Variants in CUL1 observed in about 807,000 individuals in gnomAD.
The protein encoded by CUL1 is cullin 1, also known as cullin-1.
CUL1 carries 24 observed loss-of-function variants against 118.0 expected under a neutral mutation model. That is an observed-to-expected ratio of 0.20 (90% CI 0.15 to 0.29). The LOEUF is 0.29. Ranked by LOEUF, CUL1 falls within the 10% of genes least tolerant of loss-of-function variation. The pLI, the probability that CUL1 is intolerant of heterozygous loss-of-function variation, is 1.00. For missense variants in CUL1, 361 were observed against 933.8 expected (o/e 0.39, Z 7.99); for synonymous variants, 332 against 340.4 (o/e 0.98, Z 0.27).
At position 148,786,988 on chromosome 7, in the gene CUL1, G is replaced by A; in HGVS notation, c.1348-1G>A. ...GTGTGTTGTCTCGGTGGCTTTGCCA[G>A]ATGGTTGTCTTCAAGTACATAGAAG... On this transcript the variant is annotated splice_acceptor_variant, in intron 12 of 21. Transcript: ENST00000325222. LOFTEE classifies it high-confidence loss of function. The A allele has an allele frequency of 6.5e-7, 1 of 1,532,942 alleles. No individual in the cohort carries two copies. The allele number at this position is 1,532,942 out of a possible 1,614,324, so 95.0% of individuals were successfully genotyped here.
At chr7:148,714,325 A>C (rs1798142854) in intron 1 of CUL1, among the ~76,000 whole-genome samples, 2 of 152,242 alleles carry the variant, frequency 1.3e-5, no homozygotes, top group African/African-American at 4.8e-5. Flanking sequence ...TTTAAGATGT[A>C]CTATAAGCAG....
chr7:148,730,379 T>G, intron 2 of CUL1, 117 bp downstream of exon 2: 1 of 1,203,896 alleles, frequency 8.3e-7, no homozygotes, highest in East Asian at 2.6e-5. Flanking sequence ...TGTAAAATAA[T>G]CGCAGGGTTC....
chr7:148,733,412 G>A (rs1314817808), intron 2 of CUL1, among the ~76,000 whole-genome samples: 4 of 152,092 alleles, frequency 2.6e-5, no homozygotes, highest in Non-Finnish European at 4.4e-5. Flanking sequence ...TCATGTTTTT[G>A]TAGAGCCATC....
intron 9 of CUL1, among the ~76,000 whole-genome samples, chr7:148,774,162 A>G (rs970173061): frequency 6.6e-6 from 1 of 152,224 alleles, no homozygotes; most frequent in African/African-American, 2.4e-5. Context: ...TGTTAGAGGT[A>G]GGTCATGATT....
At chr7:148,734,006 AAAG>A (rs1350695669) in intron 2 of CUL1, among the ~76,000 whole-genome samples, 2 of 151,526 alleles carry the variant, frequency 1.3e-5, no homozygotes, top group Non-Finnish European at 2.9e-5. Context: ...CAAAATGGTG[AAAG>A]AAGGGAATTT....
intron 9 of CUL1, among the ~76,000 whole-genome samples, chr7:148,778,103 A>AAAAAAG: frequency 6.8e-6 from 1 of 147,512 alleles, no homozygotes; most frequent in South Asian, 2.2e-4. Flanking sequence ...AAAAAGAAGA[A>AAAAAAG]GAAGAAGAAT....
At chr7:148,703,800 G>C (rs1482106867) in intron 1 of CUL1, among the ~76,000 whole-genome samples, 1 of 152,122 alleles carries the variant, frequency 6.6e-6, no homozygotes, top group East Asian at 1.9e-4. Context: ...CAAAGTGCTG[G>C]GATTACAGGC....
chr7:148,781,313 C>T (rs917350005), intron 9 of CUL1, among the ~76,000 whole-genome samples: 4 of 152,020 alleles, frequency 2.6e-5, no homozygotes, highest in South Asian at 4.1e-4. Flanking sequence ...GAACTCCTGA[C>T]GTCATGATCT....
At chr7:148,739,423 T>C (rs1184977162) in intron 2 of CUL1, among the ~76,000 whole-genome samples, 1 of 152,214 alleles carries the variant, frequency 6.6e-6, no homozygotes, top group African/African-American at 2.4e-5. Flanking sequence ...GCACAGTTGA[T>C]CCTGTTCTTT....
chr7:148,750,352 AG>A (rs1439543196), intron 2 of CUL1, among the ~76,000 whole-genome samples: 2 of 149,686 alleles, frequency 1.3e-5, no homozygotes, highest in African/African-American at 5.0e-5. Flanking sequence ...CACAATGTGC[AG>A]GTTTGTTACA....
chr7:148,754,946 G>T (rs932036378), intron 3 of CUL1, among the ~76,000 whole-genome samples: 2 of 151,498 alleles, frequency 1.3e-5, no homozygotes, highest in Non-Finnish European at 2.9e-5. Context: ...TAGAATCAGG[G>T]TCTCTTTATG....
chr7:148,746,910 C>G (rs1043169111), intron 2 of CUL1, among the ~76,000 whole-genome samples: 1 of 152,180 alleles, frequency 6.6e-6, no homozygotes, highest in Non-Finnish European at 1.5e-5. Flanking sequence ...AAGCTGCGTA[C>G]TCTATCTTCA....
chr7:148,785,583 C>T (rs1259898182), intron 11 of CUL1, among the ~76,000 whole-genome samples: 2 of 149,534 alleles, frequency 1.3e-5, no homozygotes, highest in Non-Finnish European at 3.0e-5. Flanking sequence ...AGGCTCGTCT[C>T]GAACTCCTGA....
chr7:148,797,510 A>T (rs1178263416), intron 17 of CUL1, among the ~76,000 whole-genome samples: 2 of 151,994 alleles, frequency 1.3e-5, no homozygotes, highest in Non-Finnish European at 2.9e-5. Flanking sequence ...TTCTAGTCCC[A>T]GGCATTTCAG....
At chr7:148,773,664 T>A (rs1163368331) in intron 9 of CUL1, among the ~76,000 whole-genome samples, 1 of 152,214 alleles carries the variant, frequency 6.6e-6, no homozygotes, top group East Asian at 1.9e-4. Context: ...TGCGTGTGTC[T>A]TCTCAGCTGG....
chr7:148,776,742 A>T (rs995220733), intron 9 of CUL1, among the ~76,000 whole-genome samples: 1 of 152,156 alleles, frequency 6.6e-6, no homozygotes, highest in African/African-American at 2.4e-5. Flanking sequence ...TTATACCCAC[A>T]TCAACTAAAT....
chr7:148,782,920 C>T (rs199832085), intron 9 of CUL1, among the ~76,000 whole-genome samples: 7 of 151,442 alleles, frequency 4.6e-5, no homozygotes, highest in African/African-American at 1.5e-4. Context: ...CGGGCTCCCT[C>T]GCAGCCCGGA....
chr7:148,697,932 T>C (rs1357318820), upstream of CUL1: 1 of 152,268 alleles, frequency 6.6e-6, no homozygotes, highest in African/African-American at 2.4e-5. Flanking sequence ...ATATCACGAC[T>C]CATGCCATCC....
At chr7:148,784,904 A>G (rs927982173) in intron 11 of CUL1, among the ~76,000 whole-genome samples, 7 of 152,360 alleles carry the variant, frequency 4.6e-5, no homozygotes, top group African/African-American at 1.7e-4. Context: ...AGAAATCTTA[A>G]GTAAAATATT....
Sources: gnomAD v4.1 joint callset for allele counts (sites outside exome capture counted in the v4.1 genomes callset) on GRCh38, gnomAD v4.1.1 for gene constraint, MANE v1.5 for transcripts, NCBI Gene and HGNC (gene_info 2026-07-23, HGNC 2026-07-21) for gene names.